ROBO1: variants seen among roughly 807,000 people sequenced by gnomAD.
ROBO1 encodes roundabout homolog 1.
In ROBO1, 149 loss-of-function variants were observed where a neutral mutation model predicts 195.9. The ratio of observed to expected loss-of-function variants is 0.76; its 90% CI spans 0.67 to 0.87. The LOEUF (loss-of-function observed/expected upper bound fraction) is 0.87. Ranked by LOEUF, ROBO1 falls within the 40% of genes least tolerant of loss-of-function variation. ROBO1 has a pLI of 0.00. For synonymous variants in ROBO1, 816 were observed against 733.2 expected (o/e 1.11, Z -1.82); for missense variants, 1,933 against 2,068.3 (o/e 0.93, Z 1.27).
chr3:79,202,755 T>C (rs1336167551), intron 2 of ROBO1, among the ~76,000 whole-genome samples: 3 of 152,148 alleles, frequency 2.0e-5, no homozygotes, highest in African/African-American at 4.8e-5. Context: ...CAAATTGGAA[T>C]ATGCAGAATA....
intron 8 of ROBO1, among the ~76,000 whole-genome samples, chr3:78,704,407 C>CA (rs2081497299): frequency 6.6e-6 from 1 of 152,028 alleles, no homozygotes; most frequent in African/African-American, 2.4e-5. Flanking sequence ...ATAGTGAACT[C>CA]TATTTATGGA....
chr3:79,540,195 A>G (rs1385801856), intron 2 of ROBO1, among the ~76,000 whole-genome samples: 1 of 152,078 alleles, frequency 6.6e-6, no homozygotes, highest in African/African-American at 2.4e-5. Flanking sequence ...TTACATTTGC[A>G]TCATATAAGA....
chr3:79,199,602 C>A (rs2081722338), intron 2 of ROBO1, among the ~76,000 whole-genome samples: 1 of 144,820 alleles, frequency 6.9e-6, no homozygotes, highest in Non-Finnish European at 1.5e-5. Context: ...AACCCAATTA[C>A]CATTTTTTTT....
At chr3:78,711,346 TCCTCCTTC>T (rs2081696304) in intron 8 of ROBO1, among the ~76,000 whole-genome samples, 1 of 53,624 alleles carries the variant, frequency 1.9e-5, no homozygotes, top group African/African-American at 7.9e-5. Context: ...CTTCCTTCCT[TCCTCCTTC>T]CTTCCTTCCT....
intron 3 of ROBO1, among the ~76,000 whole-genome samples, chr3:78,983,528 A>G (rs2077042415): frequency 6.6e-6 from 1 of 152,250 alleles, no homozygotes; most frequent in Non-Finnish European, 1.5e-5. Context: ...AAATGGCCAT[A>G]AGATTCAAGT....
chr3:79,699,555 C>T (rs1560111090), intron 1 of ROBO1, among the ~76,000 whole-genome samples: 1 of 151,670 alleles, frequency 6.6e-6, no homozygotes, highest in African/African-American at 2.4e-5. Flanking sequence ...CAAAGGCACA[C>T]CTACCAGGGG....
chr3:79,285,548 A>G (rs1012598076), intron 2 of ROBO1, among the ~76,000 whole-genome samples: 3 of 152,216 alleles, frequency 2.0e-5, no homozygotes, highest in East Asian at 1.9e-4. Context: ...GAGGCACGAA[A>G]GAAGTCTTGA....
rs1407929172 is a variant in ROBO1 at position 78,670,241 on chromosome 3, A to G, written c.1403T>C (p.Val468Ala). ...ACAGCTGAGGACGAAAGTGCCATCC[A>G]CGGCTACAGTCTGATTCACAGGACC... The part of the protein sequence containing the change: ...RQGPVNQTVA[V>A]DGTFVLSCVA... Residue 468 changes from valine to alanine, a missense_variant, in exon 11 of 31, where the codon GTG becomes GCG. Around this residue, in one of 3 missense-constraint regions of ROBO1, gnomAD observed 1,737 missense variants for 1,882.5 expected, o/e 0.92. Transcript: ENST00000464233. The G allele has an allele frequency of 6.3e-7, 1 of 1,597,502 alleles. No homozygotes were observed. The highest frequency in any genetic ancestry group is 8.5e-7 in the Non-Finnish European group (1 of 1,171,196).
intron 1 of ROBO1, among the ~76,000 whole-genome samples, chr3:79,701,386 A>G (rs1237527149): frequency 1.3e-5 from 2 of 151,466 alleles, no homozygotes. Context: ...TTTCTATCCT[A>G]TTAGCTGGAC....
chr3:79,348,159 C>T (rs954506562), intron 2 of ROBO1, among the ~76,000 whole-genome samples: 9 of 145,814 alleles, frequency 6.2e-5, no homozygotes, highest in South Asian at 2.1e-4. Flanking sequence ...TGCAGCGAGC[C>T]GAGATTGTGC....
intron 5 of ROBO1, among the ~76,000 whole-genome samples, chr3:78,720,552 T>C (rs1258628975): frequency 6.6e-6 from 1 of 152,172 alleles, no homozygotes; most frequent in South Asian, 2.1e-4. Flanking sequence ...CTCAGGGATC[T>C]AGAACTAGAA....
chr3:79,332,299 C>G (rs1385953080), intron 2 of ROBO1, among the ~76,000 whole-genome samples: 1 of 151,508 alleles, frequency 6.6e-6, no homozygotes, highest in Non-Finnish European at 1.5e-5. Context: ...CCAGAAAAGT[C>G]TAAGATGTGC....
chr3:78,999,311 C>T (rs190119011), intron 3 of ROBO1, among the ~76,000 whole-genome samples: 41 of 152,152 alleles, frequency 2.7e-4, no homozygotes, highest in African/African-American at 9.6e-4. Flanking sequence ...CCTAGGTGCC[C>T]ATCAACAGTA....
chr3:79,198,464 G>A (rs2081688069), intron 2 of ROBO1, among the ~76,000 whole-genome samples: 1 of 152,024 alleles, frequency 6.6e-6, no homozygotes, highest in Non-Finnish European at 1.5e-5. Flanking sequence ...TTTGAAGTCA[G>A]GTAGCATGAT....
chr3:78,812,477 T>C (rs2084772108), intron 4 of ROBO1, among the ~76,000 whole-genome samples: 1 of 152,102 alleles, frequency 6.6e-6, no homozygotes, highest in African/African-American at 2.4e-5. Flanking sequence ...TTCACCTCCT[T>C]CAGATCTTCA....
intron 2 of ROBO1, among the ~76,000 whole-genome samples, chr3:79,210,801 T>C (rs553272402): frequency 1.3e-5 from 2 of 152,260 alleles, no homozygotes; most frequent in Non-Finnish European, 2.9e-5. Context: ...ATGAATATTG[T>C]TGAAAATGAA....
At chr3:78,960,779 AACACACACACAC>A (rs751349324) in intron 3 of ROBO1, among the ~76,000 whole-genome samples, 1,654 of 124,554 alleles carry the variant, frequency 0.013, 22 homozygotes, top group African/African-American at 0.029. Context: ...TCCGTATTAA[AACACACACACAC>A]ACACACACAC....
At chr3:79,111,601 A>G (rs1388074018) in intron 3 of ROBO1, among the ~76,000 whole-genome samples, 3 of 152,156 alleles carry the variant, frequency 2.0e-5, no homozygotes, top group Non-Finnish European at 4.4e-5. Context: ...TCACAGCTGT[A>G]ACTATTCAAC....
At chr3:79,557,069 C>T (rs1163519164) in intron 2 of ROBO1, among the ~76,000 whole-genome samples, 1 of 148,902 alleles carries the variant, frequency 6.7e-6, no homozygotes, top group African/African-American at 2.5e-5. Flanking sequence ...ATTCAAATAA[C>T]TCTAATGATA....
Sources: allele counts gnomAD v4.1 joint callset (sites outside exome capture counted in the v4.1 genomes callset), GRCh38; gene constraint gnomAD v4.1.1; regional missense constraint gnomAD v4.1.1; transcripts MANE v1.5; gene names NCBI Gene and HGNC (gene_info 2026-07-23, HGNC 2026-07-21).